LAPTM4B: variants seen among roughly 807,000 people sequenced by gnomAD.
The protein encoded by LAPTM4B is lysosomal-associated transmembrane protein 4B.
A neutral mutation model predicts 28.5 loss-of-function variants in LAPTM4B; 26 were observed. That is an observed-to-expected ratio of 0.91 (90% CI 0.67 to 1.27). The LOEUF is 1.27. LAPTM4B is among the 50% of genes most tolerant of loss of function. LAPTM4B has a pLI of 0.00. For missense variants in LAPTM4B, 288 were observed against 285.8 expected (o/e 1.01, Z -0.06); for synonymous variants, 109 against 106.4 (o/e 1.02, Z -0.15).
At chr8:97,847,709 A>G (rs939408830) in intron 6 of LAPTM4B, among the ~76,000 whole-genome samples, 1 of 152,212 alleles carries the variant, frequency 6.6e-6, no homozygotes, top group Admixed American at 6.5e-5. Context: ...TTCTAATAAT[A>G]TCAGCATCAC....
At chr8:97,793,449 A>C (rs767938639) in intron 1 of LAPTM4B, among the ~76,000 whole-genome samples, 3 of 152,196 alleles carry the variant, frequency 2.0e-5, no homozygotes, top group Non-Finnish European at 4.4e-5. Flanking sequence ...TTCATTGTAA[A>C]ATAAAATAAA....
At chr8:97,817,389 T>C (rs1308249436) in intron 4 of LAPTM4B, among the ~76,000 whole-genome samples, 1 of 151,082 alleles carries the variant, frequency 6.6e-6, no homozygotes, top group Non-Finnish European at 1.5e-5. Context: ...CCTCCAGCCT[T>C]GGCCTCCCAA....
At chr8:97,844,454 A>G (rs1817399044) in intron 6 of LAPTM4B, among the ~76,000 whole-genome samples, 1 of 152,150 alleles carries the variant, frequency 6.6e-6, no homozygotes, top group Non-Finnish European at 1.5e-5. Flanking sequence ...CAGTGAGCTC[A>G]TGCTTGTGGA....
intron 1 of LAPTM4B, among the ~76,000 whole-genome samples, chr8:97,793,991 G>T (rs1300505756): frequency 2.6e-5 from 4 of 151,684 alleles, no homozygotes; most frequent in African/African-American, 9.7e-5. Flanking sequence ...TTTGTTTTTT[G>T]TTTTTTTTGA....
chr8:97,798,226 T>G (rs573837822), intron 1 of LAPTM4B, among the ~76,000 whole-genome samples: 4 of 152,206 alleles, frequency 2.6e-5, no homozygotes, highest in Non-Finnish European at 4.4e-5. Context: ...TGACCTTTTC[T>G]ATCTGTCTGG....
intron 1 of LAPTM4B, among the ~76,000 whole-genome samples, chr8:97,783,072 C>CTTTTTTTTTTTTTTT (rs10605324): frequency 7.8e-6 from 1 of 127,768 alleles, no homozygotes; most frequent in African/African-American, 2.9e-5. Flanking sequence ...CGCGCCCGGC[C>CTTTTTTTTTTTTTTT]TTTTTTTTTT....
chr8:97,833,249 G>GCTTGAACCTGGGAGGTTCA lies in LAPTM4B; in HGVS notation c.603+8112_603+8130dup, dbSNP rs1055585894. ...CTTGGGAGGCTGGGGCAGGAGAATC[G>GCTTGAACCTGGGAGGTTCA]CTTGAACCTGGGAGGTTCACTTGAA... On this transcript the variant is annotated intron_variant, in intron 6 of 6. Coordinates refer to ENST00000521545, the MANE Select transcript of LAPTM4B (RefSeq NM_018407.6). Among the ~76,000 whole-genome samples the GCTTGAACCTGGGAGGTTCA allele has an allele frequency of 7.2e-5, 11 of 152,042 alleles. No homozygotes were observed. In the East Asian group the frequency reaches 1.6e-3, roughly 22 times the overall value.
At chr8:97,844,191 C>T (rs1170509881) in intron 6 of LAPTM4B, among the ~76,000 whole-genome samples, 1 of 152,054 alleles carries the variant, frequency 6.6e-6, no homozygotes, top group Non-Finnish European at 1.5e-5. Flanking sequence ...CTCCAGGGCT[C>T]AAGTGATCCT....
intron 1 of LAPTM4B, among the ~76,000 whole-genome samples, chr8:97,801,780 G>GTTGCGGTGAGCCGAGC (rs1175442417): frequency 2.7e-4 from 40 of 150,048 alleles, no homozygotes; most frequent in African/African-American, 9.6e-4. Context: ...GGTGGTGGAG[G>GTTGCGGTGAGCCGAGC]TTGCGGTGAG....
rs113003971 is a variant in LAPTM4B, at chr8:97,817,932, G to A, written c.409-1208G>A. Among the ~76,000 whole-genome samples, 355 of 151,544 alleles carry A rather than the reference G, an allele frequency of 2.3e-3. 1 individual carries two copies. The highest frequency in any genetic ancestry group is 8.3e-3 in the African/African-American group (343 of 41,268). On this transcript the variant is annotated intron_variant, in intron 4 of 6. Coordinates refer to ENST00000521545, the MANE Select transcript of LAPTM4B (RefSeq NM_018407.6). The stretch of plus-strand genomic sequence containing the variant: ...GGGCTCAAGTGATCCTTCCACCTTA[G>A]CCTCCCAAGTAGTTTGGACTACAGA...
At chr8:97,811,557 A>G (rs1292424178) in intron 2 of LAPTM4B, among the ~76,000 whole-genome samples, 1 of 152,188 alleles carries the variant, frequency 6.6e-6, no homozygotes, top group Non-Finnish European at 1.5e-5. Context: ...ACAAAAAAGA[A>G]TGATGAACCT....
chr8:97,827,484 T>C (rs1477370319), intron 6 of LAPTM4B, among the ~76,000 whole-genome samples: 2 of 152,228 alleles, frequency 1.3e-5, no homozygotes, highest in Admixed American at 1.3e-4. Context: ...TGTATCCTTA[T>C]AATAAGCCAG....
rs1456771169 is a variant in LAPTM4B, at chr8:97,808,229, C to T, written c.211+2765C>T. Reference sequence around the variant, plus strand: ...TTGGGAGGCCAAGGCAGGCAGATCACCTGAGGTCAGGAGTTGCGAGATCAG... The same window carrying T: ...TTGGGAGGCCAAGGCAGGCAGATCATCTGAGGTCAGGAGTTGCGAGATCAG... On this transcript the variant is annotated intron_variant, in intron 2 of 6. Transcript: ENST00000521545. Among the ~76,000 whole-genome samples the T allele has an allele frequency of 5.3e-5, 8 of 151,892 alleles. No individual in the cohort carries two copies. The East Asian group carries it at 1.6e-3, about 30-fold the overall frequency.
intron 1 of LAPTM4B, among the ~76,000 whole-genome samples, chr8:97,793,285 G>A (rs1414433096): frequency 6.6e-6 from 1 of 152,050 alleles, no homozygotes; most frequent in Non-Finnish European, 1.5e-5. Context: ...GGCTGTTGAT[G>A]TATGTTTCTT....
At chr8:97,776,347 C>G (rs1816215010) in intron 1 of LAPTM4B, among the ~76,000 whole-genome samples, 2 of 152,224 alleles carry the variant, frequency 1.3e-5, no homozygotes, top group East Asian at 3.9e-4. Flanking sequence ...GGGCCGCACT[C>G]GACCCTTGGC....
intron 1 of LAPTM4B, among the ~76,000 whole-genome samples, chr8:97,792,080 C>G (rs1195578659): frequency 6.6e-6 from 1 of 152,064 alleles, no homozygotes; most frequent in African/African-American, 2.4e-5. Context: ...GATACAACAT[C>G]CATTTTACTC....
chr8:97,807,205 A>T (rs79787958), intron 2 of LAPTM4B, among the ~76,000 whole-genome samples: 6,620 of 152,246 alleles, frequency 0.043, 193 homozygotes, highest in Admixed American at 0.081. Flanking sequence ...GTGACTTATC[A>T]TTGTGTGCCT....
chr8:97,828,318 G>A (rs1817125807), intron 6 of LAPTM4B, among the ~76,000 whole-genome samples: 1 of 152,140 alleles, frequency 6.6e-6, no homozygotes, highest in South Asian at 2.1e-4. Flanking sequence ...GGAGACCCTG[G>A]GGCAGGGGGT....
chr8:97,800,511 T>G (rs1435657021), intron 1 of LAPTM4B, among the ~76,000 whole-genome samples: 6 of 117,092 alleles, frequency 5.1e-5, no homozygotes, highest in East Asian at 5.8e-4. Flanking sequence ...TTTTTTTTTT[T>G]GGAGATGGAG....
Sources: allele counts gnomAD v4.1 joint callset (sites outside exome capture counted in the v4.1 genomes callset), GRCh38; gene constraint gnomAD v4.1.1; transcripts MANE v1.5; gene names NCBI Gene and HGNC (gene_info 2026-07-23, HGNC 2026-07-21).